DOCK6: variants seen among roughly 807,000 people sequenced by gnomAD.
DOCK6 encodes the protein dedicator of cytokinesis 6.
DOCK6 carries 167 observed loss-of-function variants against 230.3 expected under a neutral mutation model. That is an observed-to-expected ratio of 0.73 (90% confidence interval 0.64 to 0.82). The LOEUF (loss-of-function observed/expected upper bound fraction) is 0.82, where lower values mean the gene tolerates loss of function less well. Ranked by LOEUF, DOCK6 falls within the 40% of genes least tolerant of loss-of-function variation. DOCK6 has a pLI of 0.00. For missense variants in DOCK6, 2,598 were observed against 2,825.8 expected (o/e 0.92, Z 1.83); for synonymous variants, 1,148 against 1,185.0 (o/e 0.97, Z 0.64).
intron 1 of DOCK6, among the ~76,000 whole-genome samples, chr19:11,260,885 A>AAAAAAAAAAAAAAAAAAAAAAAAG (rs1555698780): frequency 2.4e-5 from 3 of 127,048 alleles, no homozygotes; most frequent in East Asian, 5.4e-4. Context: ...TCTGTCTCAA[A>AAAAAAAAAAAAAAAAAAAAAAAAG]AAAAAAAAAA....
chr19:11,221,858 G>C lies in DOCK6; in HGVS notation c.3543C>G (p.Asp1181Glu), dbSNP rs919310342. Residue 1181 changes from aspartate to glutamate, a missense_variant, in exon 28 of 48, where the codon GAC (aspartate) becomes GAG (glutamate). By Grantham distance (45) the Asp-to-Glu change is conservative. Transcript: ENST00000294618. ...TTCCCCTGGCCCACTGACCAGCAAA[G>C]TCATGCAGCCGTGGCAAGGTATCCC... Reference protein sequence around the residue: ...IARDTLPRLHDFAEGPGQRSR... With the variant: ...IARDTLPRLHEFAEGPGQRSR... 21 of 1,613,636 alleles carry C rather than the reference G, an allele frequency of 1.3e-5. No individual in the cohort carries two copies. Among genetic ancestry groups the C allele is most frequent in the Non-Finnish European group, 3.4e-6 (4 of 1,179,914 alleles).
chr19:11,237,348 AC>A, intron 18 of DOCK6, 107 bp downstream of exon 18: 1 of 1,232,244 alleles, frequency 8.1e-7, no homozygotes, highest in Non-Finnish European at 1.2e-6. Context: ...CCCTGGAGGC[AC>A]CAGTAGAGGA....
rs773454770 is a variant in DOCK6 at position 11,201,908 on chromosome 19, C to T, written c.5669G>A (p.Arg1890His). The change falls in exon 44 of 48, where the codon CGT (arginine) becomes CAT (histidine). Residue 1890 changes from arginine to histidine, a missense_variant. Coordinates refer to ENST00000294618, the MANE Select transcript of DOCK6 (RefSeq NM_020812.4). This position sits in a 1 kb window ranked among gnomAD's most constrained non-coding sequence, Gnocchi z 4.3. ...HAFPYIKTRI[R>H]VCHREETVLT... is the part of the protein sequence containing the mutation. Reference sequence around the variant, plus strand: ...ACCCACCTCCTCCCGGTGGCACACACGGATGCGAGTCTTGATGTAGGGGAA... The same window carrying T: ...ACCCACCTCCTCCCGGTGGCACACATGGATGCGAGTCTTGATGTAGGGGAA... 27 of 1,578,436 alleles carry T rather than the reference C, an allele frequency of 1.7e-5. No homozygotes were observed. Among genetic ancestry groups the T allele is most frequent in the East Asian group, 1.2e-4 (5 of 42,830 alleles).
intron 28 of DOCK6, among the ~76,000 whole-genome samples, chr19:11,220,436 C>T (rs1234057099): frequency 6.6e-6 from 1 of 152,124 alleles, no homozygotes; most frequent in African/African-American, 2.4e-5. Flanking sequence ...AAGCTCTAGC[C>T]CAGTCCAGCC....
intron 37 of DOCK6, among the ~76,000 whole-genome samples, chr19:11,211,322 C>T (rs137913673): frequency 3.3e-3 from 501 of 151,882 alleles, no homozygotes; most frequent in Non-Finnish European, 5.1e-3. Context: ...ATCACCCGTC[C>T]GCCTCTCCTA....
In DOCK6 at chr19:11,202,706, C is replaced by T. The variant is rs776462969; in HGVS notation, c.5239G>A (p.Val1747Met). The change falls in exon 42 of 48, where the codon GTG (valine) becomes ATG (methionine). Residue 1747 changes from valine to methionine, a missense_variant. By Grantham distance (21) the Val-to-Met change is conservative. Transcript: ENST00000294618. The surrounding 1 kb of genome is among the most constrained non-coding windows in gnomAD (Gnocchi z 5.3). Reference sequence around the variant, plus strand: ...CCCACGCGGAAATACGTCCCGAACACGCGCTGGGGCTGTGAGAAAGGGTGT... The same window carrying T: ...CCCACGCGGAAATACGTCCCGAACATGCGCTGGGGCTGTGAGAAAGGGTGT... ...IMHQSSGWERVFGTYFRVGFY... is the reference protein window; with the variant it reads ...IMHQSSGWERMFGTYFRVGFY... 2.2e-5 allele frequency: 36 copies of T among 1,613,802 alleles called. No individual in the cohort carries two copies. The highest frequency in any genetic ancestry group is 1.6e-4 in the Middle Eastern group (1 of 6,062).
chr19:11,255,079 C>G (rs2080177534), intron 1 of DOCK6, among the ~76,000 whole-genome samples: 1 of 151,392 alleles, frequency 6.6e-6, no homozygotes, highest in South Asian at 2.1e-4. Flanking sequence ...TCCCGGCTCA[C>G]TGCAACACCT....
chr19:11,261,985 G>A (rs918729844), intron 1 of DOCK6, among the ~76,000 whole-genome samples: 1 of 152,178 alleles, frequency 6.6e-6, no homozygotes, highest in Admixed American at 6.5e-5. Context: ...ACCAGGCACT[G>A]AGGAAGGAAC....
Position 11,245,461 on chromosome 19 carries a change from T to C in DOCK6, c.1023+102A>G, listed in dbSNP as rs576569112. 57 of 1,274,162 alleles carry C rather than the reference T, an allele frequency of 4.5e-5. No homozygotes were observed. The African/African-American group carries it at 6.4e-4, about 14-fold the overall frequency. 78.9% of individuals were successfully genotyped at this position (1,274,162 alleles called of 1,614,324 possible). ...GCCTGTGTTTCCCCCACAACAGCCC[T>C]GATTACCCTTCTTGGTGATGTATCT... On this transcript the variant is annotated intron_variant, in intron 9 of 47. Coordinates refer to ENST00000294618, the MANE Select transcript of DOCK6 (RefSeq NM_020812.4).
intron 39 of DOCK6, chr19:11,206,451 T>G (rs1568668512): frequency 6.6e-6 from 1 of 150,638 alleles, no homozygotes; most frequent in East Asian, 1.9e-4. Flanking sequence ...GCACTTATAG[T>G]CCCAGCTACT....
chr19:11,229,545 G>C (rs1051795283), intron 22 of DOCK6, among the ~76,000 whole-genome samples: 15 of 152,138 alleles, frequency 9.9e-5, no homozygotes, highest in Non-Finnish European at 1.2e-4. Flanking sequence ...GGATGGACCA[G>C]GGCCATGGAT....
rs1451003039 is a variant in DOCK6 at position 11,214,381 on chromosome 19, C to T, written c.4232G>A (p.Ser1411Asn). The change falls in exon 34 of 48, where the codon AGC becomes AAC. Residue 1411 changes from serine (S) to asparagine (N), a missense_variant. Transcript: ENST00000294618. Reference protein sequence around the residue: ...QTVMLSEARESVLGAVLKVVL... With the variant: ...QTVMLSEARENVLGAVLKVVL... ...AACCTTCAGCACTGCCCCCAAGACGCTCTCCCGGGCTTCTGAAAGCATCAC... is the reference window on the plus strand; with the variant it reads ...AACCTTCAGCACTGCCCCCAAGACGTTCTCCCGGGCTTCTGAAAGCATCAC... The T allele has an allele frequency of 6.2e-7, 1 of 1,613,542 alleles. No homozygotes were observed. The highest frequency in any genetic ancestry group is 8.5e-7 in the Non-Finnish European group (1 of 1,179,804).
intron 3 of DOCK6, 99 bp downstream of exon 3, chr19:11,252,684 C>T: frequency 6.3e-7 from 1 of 1,597,528 alleles, no homozygotes; most frequent in South Asian, 1.1e-5. Flanking sequence ...ATGGCTTGTC[C>T]AACGTCACGG....
At chr19:11,218,393 C>T (rs1019352991) in intron 28 of DOCK6, among the ~76,000 whole-genome samples, 14 of 152,300 alleles carry the variant, frequency 9.2e-5, no homozygotes, top group Non-Finnish European at 1.6e-4. Flanking sequence ...ATGATCTGCC[C>T]GCCTCGGCCT....
intron 7 of DOCK6, 38 bp from the exon 8 acceptor site, chr19:11,245,916 C>G: frequency 6.4e-7 from 1 of 1,551,702 alleles, no homozygotes; most frequent in Non-Finnish European, 8.7e-7. Flanking sequence ...CTCCTTAACA[C>G]TTCCCGCTGT....
rs770520939 is a variant in DOCK6, at chr19:11,252,820, C to T, written c.271G>A (p.Glu91Lys). The T allele has an allele frequency of 6.2e-7, 1 of 1,613,208 alleles. No individual in the cohort carries two copies. The highest frequency in any genetic ancestry group is 8.5e-7 in the Non-Finnish European group (1 of 1,179,618). ...DDLELLLQPR[E>K]CRTTEPGIPK... ...ATCCCGGGCTCCGTGGTCCGGCATT[C>T]CCGGGGCTGCAGCAGCAGCTCCAAG... Residue 91 changes from glutamate (E) to lysine (K), a missense_variant, in exon 3 of 48, where the codon GAA becomes AAA. Coordinates refer to ENST00000294618, the MANE Select transcript of DOCK6 (RefSeq NM_020812.4).
At position 11,200,148 on chromosome 19, in the gene DOCK6, C is replaced by CAAAAA. The variant is rs746812913; in HGVS notation, c.6101+155_6101+159dup. Among the ~76,000 whole-genome samples, 1 of 75,872 alleles carries CAAAAA rather than the reference C, an allele frequency of 1.3e-5. No individual in the cohort carries two copies. The allele number at this position is 75,872 out of a possible 152,430, so 49.8% of individuals were successfully genotyped here. A position where few individuals can be genotyped will look rare whatever the true frequency, so the allele number is the denominator to read the frequency against. On this transcript the variant is annotated intron_variant, in intron 47 of 47. Coordinates refer to ENST00000294618, the MANE Select transcript of DOCK6 (RefSeq NM_020812.4). This position sits in a 1 kb window ranked among gnomAD's most constrained non-coding sequence, Gnocchi z 4.3. ...CCTGGGCAACAGAGGGAGAGTCTCTCAAAAAAAAAAACAAAAAAAAAACCG... is the reference window on the plus strand; with the variant it reads ...CCTGGGCAACAGAGGGAGAGTCTCTCAAAAAAAAAAAAAAAACAAAAAAAAAACCG...
At chr19:11,207,999 G>A (rs1268132598) in intron 39 of DOCK6, among the ~76,000 whole-genome samples, 1 of 151,974 alleles carries the variant, frequency 6.6e-6, no homozygotes, top group Non-Finnish European at 1.5e-5. Context: ...GCATGTGCCT[G>A]TGTTCCCAGC....
Position 11,201,564 on chromosome 19 carries a change from T to C in DOCK6, c.5688+325A>G, listed in dbSNP as rs974495503. Among the ~76,000 whole-genome samples the C allele has an allele frequency of 6.6e-6, 1 of 151,512 alleles. No homozygotes were observed. Among genetic ancestry groups the C allele is most frequent in the Admixed American group, 6.6e-5 (1 of 15,230 alleles). On this transcript the variant is annotated intron_variant, in intron 44 of 47. Coordinates refer to ENST00000294618, the MANE Select transcript of DOCK6 (RefSeq NM_020812.4). This position sits in a 1 kb window ranked among gnomAD's most constrained non-coding sequence, Gnocchi z 4.3. ...ATATCTTCTCAGCCCAGTTCTGGGG[T>C]ACCTGGGCCTCTTCCTGGGCCACAC...
Sources: allele counts gnomAD v4.1 joint callset (sites outside exome capture counted in the v4.1 genomes callset), GRCh38; gene constraint gnomAD v4.1.1; non-coding constraint Gnocchi (gnomAD v3.1); transcripts MANE v1.5; gene names NCBI Gene and HGNC (gene_info 2026-07-23, HGNC 2026-07-21).